MYRIP: variants seen among roughly 807,000 people sequenced by gnomAD.
MYRIP encodes the protein rab effector MyRIP.
Under a neutral mutation model 98.0 loss-of-function variants are expected in MYRIP, and 49 were observed. The ratio of observed to expected loss-of-function variants is 0.50; its 90% CI spans 0.40 to 0.63. The LOEUF is 0.63. MYRIP is among the 30% of genes least tolerant of loss of function. The pLI, the probability that MYRIP is intolerant of heterozygous loss-of-function variation, is 0.00. For synonymous variants in MYRIP, 404 were observed against 409.5 expected (o/e 0.99, Z 0.16); for missense variants, 1,004 against 1,058.2 (o/e 0.95, Z 0.71).
chr3:40,057,292 C>T (rs1219142528), intron 3 of MYRIP, among the ~76,000 whole-genome samples: 1 of 152,178 alleles, frequency 6.6e-6, no homozygotes, highest in Non-Finnish European at 1.5e-5. Context: ...GTGTTCTTCA[C>T]ATTTTCCCTC....
At chr3:40,130,046 A>T (rs1949606044) in intron 3 of MYRIP, among the ~76,000 whole-genome samples, 1 of 152,158 alleles carries the variant, frequency 6.6e-6, no homozygotes, top group African/African-American at 2.4e-5. Flanking sequence ...CAACACAATG[A>T]TTTTAAATTT....
At chr3:39,916,941 T>C (rs1283743305) in intron 2 of MYRIP, among the ~76,000 whole-genome samples, 2 of 152,056 alleles carry the variant, frequency 1.3e-5, no homozygotes, top group African/African-American at 4.8e-5. Context: ...TATCATAAAT[T>C]TCAATACCCC....
At chr3:39,995,624 A>C (rs779423043) in intron 2 of MYRIP, among the ~76,000 whole-genome samples, 54 of 152,300 alleles carry the variant, frequency 3.5e-4, no homozygotes, top group South Asian at 2.1e-4. Context: ...AGGATATTAT[A>C]CAGAAGAACT....
intron 4 of MYRIP, among the ~76,000 whole-genome samples, chr3:40,153,131 T>C (rs1288734241): frequency 6.6e-6 from 1 of 151,964 alleles, no homozygotes; most frequent in Non-Finnish European, 1.5e-5. Flanking sequence ...AAAAAAGCAT[T>C]TTATGGATAC....
In MYRIP at chr3:40,037,866, C is replaced by T. The variant is rs550500622; in HGVS notation, c.111-6184C>T. Reference sequence around the variant, plus strand: ...CTTTAAATACTGAAGTTCCCAAACCCTCTTTGGAAAAAGCTTAGGTCACAG... The same window carrying T: ...CTTTAAATACTGAAGTTCCCAAACCTTCTTTGGAAAAAGCTTAGGTCACAG... On this transcript the variant is annotated intron_variant, in intron 2 of 16. Coordinates refer to ENST00000302541, the MANE Select transcript of MYRIP (RefSeq NM_015460.4). Among the ~76,000 whole-genome samples, 46 of 152,222 alleles carry T rather than the reference C, an allele frequency of 3.0e-4. No individual in the cohort carries two copies. In the South Asian group the frequency reaches 8.9e-3, roughly 30 times the overall value.
intron 2 of MYRIP, among the ~76,000 whole-genome samples, chr3:39,903,547 G>C (rs1416160791): frequency 6.6e-6 from 1 of 152,172 alleles, no homozygotes. Context: ...GTGGGAGTGT[G>C]AATTAAGTGT....
At chr3:39,936,833 T>C (rs1262416918) in intron 2 of MYRIP, among the ~76,000 whole-genome samples, 1 of 152,198 alleles carries the variant, frequency 6.6e-6, no homozygotes, top group African/African-American at 2.4e-5. Flanking sequence ...TCTGTTGCAC[T>C]GAAGCCAAGT....
chr3:40,163,817 T>C lies in MYRIP; in HGVS notation c.550+1007T>C, dbSNP rs539616004. On this transcript the variant is annotated intron_variant, in intron 5 of 16. Transcript: ENST00000302541. ...GCCAGTTCCCATAATAGATCTCCTA[T>C]TTTATATCTATATATATCCTATTGG... Among the ~76,000 whole-genome samples the C allele has an allele frequency of 1.1e-4, 16 of 152,276 alleles. No homozygotes were observed. In the South Asian group the frequency reaches 2.9e-3, roughly 28 times the overall value.
chr3:40,232,453 G>A lies in MYRIP; in HGVS notation c.1906-1406G>A, dbSNP rs193016116. ...ACAAAACCTAAAATAGAATTCACTC[G>A]GAGGAACACATTTTGCAAAATCAAG... is the stretch of plus-strand genomic sequence containing the variant. On this transcript the variant is annotated intron_variant, in intron 11 of 16. Coordinates refer to ENST00000302541, the MANE Select transcript of MYRIP (RefSeq NM_015460.4). Among the ~76,000 whole-genome samples, 32 of 152,278 alleles carry A rather than the reference G, an allele frequency of 2.1e-4. No homozygotes were observed. In the East Asian group the frequency reaches 5.0e-3, roughly 24 times the overall value.
rs1263721198 is a variant in MYRIP, at chr3:39,811,132, G to A, written c.-31+1216G>A. 2.6e-5 allele frequency among the ~76,000 whole-genome samples: 4 copies of A among 152,090 alleles called. No individual in the cohort carries two copies. The South Asian group carries it at 6.2e-4, about 24-fold the overall frequency. On this transcript the variant is annotated intron_variant, in intron 1 of 16. Transcript: ENST00000302541. ...GGGCGCTTCTCAGAGCTCTGGGCTGGGGAGAGCGTCACCTAGCCTCTCTTG... is the reference window on the plus strand; with the variant it reads ...GGGCGCTTCTCAGAGCTCTGGGCTGAGGAGAGCGTCACCTAGCCTCTCTTG...
At chr3:39,869,910 G>A (rs1023660621) in intron 1 of MYRIP, among the ~76,000 whole-genome samples, 2 of 152,156 alleles carry the variant, frequency 1.3e-5, no homozygotes, top group African/African-American at 2.4e-5. Flanking sequence ...CATGAGATAT[G>A]TCAAGGTGGA....
intron 16 of MYRIP, among the ~76,000 whole-genome samples, chr3:40,257,088 G>A (rs1953618614): frequency 6.6e-6 from 1 of 152,224 alleles, no homozygotes. Context: ...CACTTTGGGA[G>A]ACCAAAGTGG....
chr3:39,810,635 G>A (rs1940649153), intron 1 of MYRIP: 1 of 152,352 alleles, frequency 6.6e-6, no homozygotes, highest in African/African-American at 2.4e-5. Flanking sequence ...GAAAGATTCA[G>A]TGGTGGGAAC....
At chr3:40,229,343 A>T (rs1952579412) in intron 11 of MYRIP, among the ~76,000 whole-genome samples, 1 of 152,152 alleles carries the variant, frequency 6.6e-6, no homozygotes, top group African/African-American at 2.4e-5. Context: ...TACAAGTCTT[A>T]CTCTGCCTAC....
At chr3:39,861,143 T>C (rs1942457224) in intron 1 of MYRIP, among the ~76,000 whole-genome samples, 1 of 152,174 alleles carries the variant, frequency 6.6e-6, no homozygotes, top group Admixed American at 6.5e-5. Flanking sequence ...GTGCAGCAGG[T>C]TCCTAACCTC....
chr3:39,865,421 A>G (rs963824399), intron 1 of MYRIP, among the ~76,000 whole-genome samples: 5 of 152,196 alleles, frequency 3.3e-5, no homozygotes, highest in Non-Finnish European at 4.4e-5. Flanking sequence ...TTTTCAAACT[A>G]TGCATCTGGT....
At chr3:40,076,160 C>A (rs1948339386) in intron 3 of MYRIP, among the ~76,000 whole-genome samples, 1 of 152,264 alleles carries the variant, frequency 6.6e-6, no homozygotes, top group East Asian at 1.9e-4. Flanking sequence ...GCTGTGATTG[C>A]ACTATTGCTT....
rs965792149 is a variant in MYRIP, at chr3:40,136,263, G to A, written c.333-14785G>A. On this transcript the variant is annotated intron_variant, in intron 3 of 16. Transcript: ENST00000302541. ...TCTCTGATAAAACAGACTTTAAACCGACAAAGATCAAAAGAGACAAAGAAG... is the reference window on the plus strand; with the variant it reads ...TCTCTGATAAAACAGACTTTAAACCAACAAAGATCAAAAGAGACAAAGAAG... 4.7e-4 allele frequency among the ~76,000 whole-genome samples: 72 copies of A among 152,066 alleles called. 1 individual carries two copies. Among genetic ancestry groups the A allele is most frequent in the East Asian group, 1.5e-3 (8 of 5,176 alleles).
At chr3:40,087,209 C>T (rs1159511930) in intron 3 of MYRIP, among the ~76,000 whole-genome samples, 6 of 151,998 alleles carry the variant, frequency 3.9e-5, no homozygotes, top group Non-Finnish European at 8.8e-5. Context: ...GACACCAGCC[C>T]CATCTGCCCT....
Sources: allele counts gnomAD v4.1 joint callset (sites outside exome capture counted in the v4.1 genomes callset), GRCh38; gene constraint gnomAD v4.1.1; transcripts MANE v1.5; gene names NCBI Gene and HGNC (gene_info 2026-07-23, HGNC 2026-07-21).